MTR: variants seen among roughly 807,000 people sequenced by gnomAD.
MTR encodes the protein methionine synthase.
In MTR, 84 loss-of-function variants were observed where a neutral mutation model predicts 154.8. The ratio of observed to expected loss-of-function variants is 0.54; its 90% CI spans 0.45 to 0.65. The LOEUF is 0.65. Ranked by LOEUF, MTR falls within the 30% of genes least tolerant of loss-of-function variation. MTR has a pLI of 0.00. For missense variants in MTR, 1,275 were observed against 1,570.2 expected (o/e 0.81, Z 3.18); for synonymous variants, 554 against 553.9 (o/e 1.00, Z 0.00).
At chr1:236,884,535 G>T (rs2147916510) in intron 25 of MTR, among the ~76,000 whole-genome samples, 1 of 152,284 alleles carries the variant, frequency 6.6e-6, no homozygotes, top group East Asian at 1.9e-4. Context: ...TGGAATGCAG[G>T]AGAGACCAGG....
chr1:236,874,680 C>T (rs780136223), intron 23 of MTR, 46 bp from the exon 24 acceptor site: 6 of 1,459,888 alleles, frequency 4.1e-6, no homozygotes, highest in African/African-American at 3.0e-5. Context: ...TTTCATCTTC[C>T]TCACTGTCCT....
intron 18 of MTR, among the ~76,000 whole-genome samples, chr1:236,858,638 T>C (rs1664343940): frequency 6.6e-6 from 1 of 152,208 alleles, no homozygotes; most frequent in African/African-American, 2.4e-5. Context: ...GATTCTGGGC[T>C]GTGGAGACTA....
intron 11 of MTR, among the ~76,000 whole-genome samples, chr1:236,828,288 T>C (rs1184835161): frequency 1.3e-5 from 2 of 152,204 alleles, no homozygotes; most frequent in Non-Finnish European, 2.9e-5. Context: ...AAATGATAAT[T>C]TTAAAAATAT....
At position 236,893,636 on chromosome 1, in the gene MTR, A is replaced by G. The variant is rs1214883629; in HGVS notation, c.3205-721A>G. On this transcript the variant is annotated intron_variant, in intron 29 of 32. Transcript: ENST00000366577. Reference sequence around the variant, plus strand: ...ATTATAAGCTATTTACCTTCTCAGCAAATATTTATTGATTTTTTTAATATG... The same window carrying G: ...ATTATAAGCTATTTACCTTCTCAGCGAATATTTATTGATTTTTTTAATATG... Among the ~76,000 whole-genome samples the G allele has an allele frequency of 2.0e-5, 3 of 152,250 alleles. No homozygotes were observed. In the East Asian group the frequency reaches 5.8e-4, roughly 29 times the overall value.
intron 23 of MTR, 29 bp from the exon 24 acceptor site, chr1:236,874,696 TC>T (rs1170733425): frequency 6.2e-6 from 9 of 1,462,668 alleles, no homozygotes; most frequent in South Asian, 2.6e-5. Context: ...GTCCTTTTTG[TC>T]CTTTTTTTTT....
chr1:236,896,026 A>G (rs1272690537), intron 31 of MTR, among the ~76,000 whole-genome samples: 3 of 152,186 alleles, frequency 2.0e-5, no homozygotes, highest in Admixed American at 6.5e-5. Flanking sequence ...ACTGTTAGTA[A>G]CATTTATATT....
rs903125830 is a variant in MTR at position 236,816,478 on chromosome 1, G to A, written c.699G>A (p.Gly233=). 1.2e-6 allele frequency: 2 copies of A among 1,614,086 alleles called. No homozygotes were observed. The highest frequency in any genetic ancestry group is 1.7e-6 in the Non-Finnish European group (2 of 1,179,972). The part of the protein sequence containing the change: ...FISGTIVDKS[G]RTLSGQTGEG... The stretch of plus-strand genomic sequence containing the variant: ...CAGGGACGATCGTTGATAAAAGTGG[G>A]CGGACTCTTTCCGGACAGACAGGAG... The change falls in exon 8 of 33, where the codon GGG becomes GGA. Residue 233 remains glycine (G), a synonymous_variant. Transcript: ENST00000366577.
In MTR at chr1:236,897,585, A is replaced by G. The variant is rs778901727; in HGVS notation, c.3739A>G (p.Ile1247Val). 1.5e-5 allele frequency: 24 copies of G among 1,613,674 alleles called. No individual in the cohort carries two copies. Among genetic ancestry groups the G allele is most frequent in the East Asian group, 1.1e-4 (5 of 44,868 alleles). ...QVEDYALRKN[I>V]SVAEVEKWLG... ...TGAGGATTATGCATTGAGGAAGAACATATCTGTGGCTGAGGTTGAGAAATG... is the reference window on the plus strand; with the variant it reads ...TGAGGATTATGCATTGAGGAAGAACGTATCTGTGGCTGAGGTTGAGAAATG... The change falls in exon 33 of 33, where the codon ATA (isoleucine) becomes GTA (valine). Residue 1247 changes from isoleucine to valine, a missense_variant. By Grantham distance (29) the Ile-to-Val change is conservative. Coordinates refer to ENST00000366577, the MANE Select transcript of MTR (RefSeq NM_000254.3).
At chr1:236,798,603 C>T (rs755734155) in intron 1 of MTR, among the ~76,000 whole-genome samples, 3 of 152,124 alleles carry the variant, frequency 2.0e-5, no homozygotes, top group Non-Finnish European at 2.9e-5. Context: ...CTCTGCACTG[C>T]GGTTATTTAC....
At chr1:236,874,056 G>A (rs904920733) in intron 23 of MTR, among the ~76,000 whole-genome samples, 4 of 152,164 alleles carry the variant, frequency 2.6e-5, no homozygotes, top group Non-Finnish European at 5.9e-5. Flanking sequence ...CCTGGAGATG[G>A]GGAATGGGGA....
Position 236,902,602 on chromosome 1 carries a change from G to A in MTR, c.*4958G>A, listed in dbSNP as rs1360976008. 1 of 152,216 alleles carries A rather than the reference G, an allele frequency of 6.6e-6. No individual in the cohort carries two copies. Among genetic ancestry groups the A allele is most frequent in the Admixed American group, 6.5e-5 (1 of 15,284 alleles). 9.4% of individuals were successfully genotyped at this position (152,216 alleles called of 1,614,324 possible). On this transcript the variant is annotated 3_prime_UTR_variant, in exon 33 of 33. Coordinates refer to ENST00000366577, the MANE Select transcript of MTR (RefSeq NM_000254.3). ...GGGCAGGGGCCCTGCCTCTTCCTGAGCTCAGGATACCCAGAGCCTAGCTCA... is the reference window on the plus strand; with the variant it reads ...GGGCAGGGGCCCTGCCTCTTCCTGAACTCAGGATACCCAGAGCCTAGCTCA...
chr1:236,869,056 T>G (rs1664976117), intron 22 of MTR, among the ~76,000 whole-genome samples: 2 of 152,226 alleles, frequency 1.3e-5, no homozygotes, highest in Admixed American at 1.3e-4. Context: ...CATGCCATCT[T>G]GTGGTGGCAT....
intron 16 of MTR, 119 bp from the exon 17 acceptor site, chr1:236,852,402 T>G: frequency 1.3e-6 from 1 of 792,120 alleles, no homozygotes; most frequent in East Asian, 2.4e-5. Flanking sequence ...TCTGAATTAC[T>G]TTGAACTTCG....
Position 236,860,724 on chromosome 1 carries a change from A to T in MTR, c.2044-401A>T, listed in dbSNP as rs151291575. ...ATACAAAATGGATTTTATGCATTTG[A>T]ACTTATTAGTCCTTCTCTGTTAGCA... is the stretch of plus-strand genomic sequence containing the variant. On this transcript the variant is annotated intron_variant, in intron 19 of 32. Coordinates refer to ENST00000366577, the MANE Select transcript of MTR (RefSeq NM_000254.3). 1.4e-4 allele frequency among the ~76,000 whole-genome samples: 22 copies of T among 152,322 alleles called. No homozygotes were observed. The East Asian group carries it at 3.7e-3, about 25-fold the overall frequency.
chr1:236,887,399 C>T (rs61831831), intron 27 of MTR, among the ~76,000 whole-genome samples: 4 of 152,160 alleles, frequency 2.6e-5, no homozygotes, highest in Middle Eastern at 6.8e-3. Context: ...CAGTTTTTAC[C>T]ACGTAAAAAA....
At position 236,897,716 on chromosome 1, in the gene MTR, T is replaced by A; in HGVS notation, c.*72T>A. On this transcript the variant is annotated 3_prime_UTR_variant, in exon 33 of 33. Transcript: ENST00000366577. ...AATACAACCTAGGGTGCCTTAAAAATAACAACAACAAAAAACCTGTGTGCA... is the reference window on the plus strand; with the variant it reads ...AATACAACCTAGGGTGCCTTAAAAAAAACAACAACAAAAAACCTGTGTGCA... 7.4e-7 allele frequency: 1 copy of A among 1,349,648 alleles called. No individual in the cohort carries two copies. The highest frequency in any genetic ancestry group is 1.7e-5 in the Admixed American group (1 of 57,276). The allele number at this position is 1,349,648 out of a possible 1,614,324, so 83.6% of individuals were successfully genotyped here. A position where few individuals can be genotyped will look rare whatever the true frequency, so the allele number is the denominator to read the frequency against.
chr1:236,891,307 C>G lies in MTR; in HGVS notation c.3182C>G (p.Thr1061Ser). Residue 1061 changes from threonine to serine, a missense_variant, in exon 29 of 33, where the codon ACC becomes AGC. Transcript: ENST00000366577. The stretch of plus-strand genomic sequence containing the variant: ...CCCCAGGCTGCAGAGCCCATAGCCA[C>G]CTTCTATGGGTTAAGGCAACAGGTA... The part of the protein sequence containing the change: ...AVPQAAEPIA[T>S]FYGLRQQAEK... 1.2e-6 allele frequency: 2 copies of G among 1,614,136 alleles called. No homozygotes were observed. Among genetic ancestry groups the G allele is most frequent in the East Asian group, 2.2e-5 (1 of 44,880 alleles).
intron 18 of MTR, among the ~76,000 whole-genome samples, chr1:236,854,850 A>G (rs1305301350): frequency 6.6e-6 from 1 of 152,214 alleles, no homozygotes; most frequent in East Asian, 1.9e-4. Flanking sequence ...TGAGCTGCCA[A>G]GAGGTTTTGC....
In MTR at chr1:236,897,629, A is replaced by AT. The variant is rs1666738618; in HGVS notation, c.3784dup (p.Tyr1262LeufsTer2). The AT allele has an allele frequency of 6.2e-7, 1 of 1,608,992 alleles. No individual in the cohort carries two copies. The highest frequency in any genetic ancestry group is 8.5e-7 in the Non-Finnish European group (1 of 1,176,114). On this transcript the variant is annotated frameshift_variant, in exon 33 of 33. Coordinates refer to ENST00000366577, the MANE Select transcript of MTR (RefSeq NM_000254.3). LOFTEE classifies it high-confidence loss of function. ...AGAAATGGCTTGGACCCATTTTGGG[A>AT]TATGATACAGACTAACTTTTTTTTT...
Sources: gnomAD v4.1 joint callset for allele counts (sites outside exome capture counted in the v4.1 genomes callset) on GRCh38, gnomAD v4.1.1 for gene constraint, MANE v1.5 for transcripts, NCBI Gene and HGNC (gene_info 2026-07-23, HGNC 2026-07-21) for gene names.